Variants in CWC27 observed in about 807,000 individuals in gnomAD.
CWC27 encodes the protein CWC27 spliceosome associated cyclophilin, also known as spliceosome-associated protein CWC27 homolog.
In CWC27, 47 loss-of-function variants were observed where a neutral mutation model predicts 63.6. The observed-to-expected ratio is 0.74, with a 90% CI of 0.58 to 0.94. The LOEUF (loss-of-function observed/expected upper bound fraction) is 0.94. CWC27 is among the 40% of genes least tolerant of loss of function. The pLI is 0.00. For synonymous variants in CWC27, 175 were observed against 179.8 expected, an observed-to-expected ratio of 0.97 and a Z score of 0.22; for missense variants, 495 against 554.3, an observed-to-expected ratio of 0.89 and a Z score of 1.07.
intron 2 of CWC27, among the ~76,000 whole-genome samples, chr5:64,778,014 A>G (rs1462610145): frequency 1.3e-5 from 2 of 152,176 alleles, no homozygotes; most frequent in Non-Finnish European, 2.9e-5. Flanking sequence ...TCATAAAGAA[A>G]ATCTTAAAAT....
At chr5:64,937,362 G>T (rs921854505) in intron 11 of CWC27, among the ~76,000 whole-genome samples, 2 of 152,276 alleles carry the variant, frequency 1.3e-5, no homozygotes, top group African/African-American at 4.8e-5. Flanking sequence ...TTACCCAGTA[G>T]TCATTCAGGA....
intron 10 of CWC27, among the ~76,000 whole-genome samples, chr5:64,838,927 G>A (rs1186832651): frequency 2.0e-5 from 3 of 152,126 alleles, no homozygotes; most frequent in Non-Finnish European, 4.4e-5. Flanking sequence ...AAAATAATCA[G>A]TCATACTATG....
At chr5:64,814,979 T>A (rs1398752701) in intron 10 of CWC27, among the ~76,000 whole-genome samples, 1 of 152,072 alleles carries the variant, frequency 6.6e-6, no homozygotes, top group Non-Finnish European at 1.5e-5. Context: ...ATATTTCAAA[T>A]ATACCAAAGG....
At chr5:64,986,992 A>G (rs908110962) in intron 13 of CWC27, among the ~76,000 whole-genome samples, 3 of 152,128 alleles carry the variant, frequency 2.0e-5, no homozygotes, top group Admixed American at 2.0e-4. Flanking sequence ...TTTACATGTT[A>G]GAAGTGAAAC....
intron 10 of CWC27, among the ~76,000 whole-genome samples, chr5:64,821,049 A>T (rs1745183206): frequency 6.6e-6 from 1 of 152,074 alleles, no homozygotes; most frequent in Admixed American, 6.6e-5. Flanking sequence ...AGAATATATA[A>T]AGAACTCTTA....
At chr5:64,838,239 C>A (rs564432492) in intron 10 of CWC27, among the ~76,000 whole-genome samples, 1 of 152,202 alleles carries the variant, frequency 6.6e-6, no homozygotes, top group South Asian at 2.1e-4. Context: ...GTGCTTTTAG[C>A]TTTATGTTTC....
At chr5:64,850,923 A>G (rs575422636) in intron 10 of CWC27, among the ~76,000 whole-genome samples, 174 of 152,306 alleles carry the variant, frequency 1.1e-3, no homozygotes, top group Non-Finnish European at 1.9e-3. Context: ...AAGGATGTGG[A>G]GAAAAGGGAA....
chr5:64,884,537 C>T (rs1034481331), intron 10 of CWC27, among the ~76,000 whole-genome samples: 2 of 152,102 alleles, frequency 1.3e-5, no homozygotes, highest in African/African-American at 4.8e-5. Flanking sequence ...TCCACTAAAC[C>T]TTGGCTTTAA....
rs2112445811 is a variant in CWC27 at position 64,975,874 on chromosome 5, G to A, written c.1153-1261G>A. The stretch of plus-strand genomic sequence containing the variant: ...GAGGTCAGGAATTGGAGACCGGCCT[G>A]GCCAATATAATGAAACCCCATCTCT... On this transcript the variant is annotated intron_variant, in intron 12 of 13. Coordinates refer to ENST00000381070, the MANE Select transcript of CWC27 (RefSeq NM_005869.4). 2.0e-5 allele frequency among the ~76,000 whole-genome samples: 3 copies of A among 152,122 alleles called. No homozygotes were observed. In the South Asian group the frequency reaches 6.2e-4, roughly 32 times the overall value.
intron 10 of CWC27, among the ~76,000 whole-genome samples, chr5:64,862,160 A>G (rs1166122564): frequency 6.6e-6 from 1 of 150,968 alleles, no homozygotes; most frequent in Non-Finnish European, 1.5e-5. Flanking sequence ...CACGGAATGT[A>G]CGGGAAGGCC....
intron 13 of CWC27, among the ~76,000 whole-genome samples, chr5:64,993,242 G>C (rs1749570770): frequency 6.6e-6 from 1 of 152,112 alleles, no homozygotes; most frequent in Non-Finnish European, 1.5e-5. Flanking sequence ...GTATTGGTAA[G>C]GCTTGACATG....
At chr5:64,807,190 C>T (rs940427033) in intron 10 of CWC27, among the ~76,000 whole-genome samples, 3 of 152,150 alleles carry the variant, frequency 2.0e-5, no homozygotes, top group Non-Finnish European at 4.4e-5. Context: ...GACTAGCCCA[C>T]CAGCCCTTTA....
At chr5:64,864,868 C>T (rs1203583851) in intron 10 of CWC27, among the ~76,000 whole-genome samples, 2 of 151,974 alleles carry the variant, frequency 1.3e-5, no homozygotes, top group Non-Finnish European at 2.9e-5. Context: ...ACATATCCAT[C>T]ACCTCATATC....
intron 10 of CWC27, among the ~76,000 whole-genome samples, chr5:64,838,376 A>G (rs1745714181): frequency 6.6e-6 from 1 of 152,190 alleles, no homozygotes; most frequent in African/African-American, 2.4e-5. Flanking sequence ...GCTAATAACA[A>G]TATACATATA....
At chr5:64,933,171 G>C (rs1748273902) in intron 11 of CWC27, among the ~76,000 whole-genome samples, 1 of 152,136 alleles carries the variant, frequency 6.6e-6, no homozygotes, top group Admixed American at 6.6e-5. Context: ...TGCAGATCCA[G>C]TCTGGGTAAC....
Position 64,786,532 on chromosome 5 carries a change from T to C in CWC27, c.504T>C (p.Phe168=). The C allele has an allele frequency of 6.4e-7, 1 of 1,553,018 alleles. No homozygotes were observed. The change falls in exon 6 of 14, where the codon TTT becomes TTC. Residue 168 remains phenylalanine (F), a synonymous_variant. Transcript: ENST00000381070. ...PHKIKSCEVL[F]NPFDDIIPRE... ...AATATTTTTTTTCATAGGTTTTGTT[T>C]AATCCTTTTGATGACATCATTCCAA...
chr5:65,012,029 T>C (rs536455805), intron 13 of CWC27, among the ~76,000 whole-genome samples: 1 of 152,332 alleles, frequency 6.6e-6, no homozygotes, highest in South Asian at 2.1e-4. Flanking sequence ...GCTCCCACAT[T>C]GCTCAAGACA....
intron 7 of CWC27, among the ~76,000 whole-genome samples, chr5:64,796,689 A>G (rs955156534): frequency 6.6e-6 from 1 of 152,042 alleles, no homozygotes; most frequent in Non-Finnish European, 1.5e-5. Context: ...AGAGTTAGAG[A>G]TTGAGCCCCA....
chr5:64,811,434 T>C (rs1744876192), intron 10 of CWC27, among the ~76,000 whole-genome samples: 1 of 152,110 alleles, frequency 6.6e-6, no homozygotes, highest in Admixed American at 6.6e-5. Flanking sequence ...ATTTCTATCA[T>C]CTATAATTTT....
Sources: allele counts gnomAD v4.1 joint callset (sites outside exome capture counted in the v4.1 genomes callset), GRCh38; gene constraint gnomAD v4.1.1; transcripts MANE v1.5; gene names NCBI Gene and HGNC (gene_info 2026-07-23, HGNC 2026-07-21).